The following GAS7 variants were observed in gnomAD, a reference collection of about 807,000 sequenced individuals.
GAS7 encodes growth arrest-specific protein 7.
In GAS7, 28 loss-of-function variants were observed where a neutral mutation model predicts 71.1. The ratio of observed to expected loss-of-function variants is 0.39; its 90% CI spans 0.29 to 0.54. The LOEUF is 0.54. Among genes scored for constraint, GAS7 ranks in the 20% least tolerant of loss-of-function variants. GAS7 has a pLI of 0.62. For missense variants in GAS7, 436 were observed against 627.8 expected (o/e 0.69, Z 3.27); for synonymous variants, 258 against 245.8 (o/e 1.05, Z -0.46).
chr17:9,998,318 C>A (rs1398670357), intron 2 of GAS7, among the ~76,000 whole-genome samples: 1 of 152,224 alleles, frequency 6.6e-6, no homozygotes, highest in African/African-American at 2.4e-5. Flanking sequence ...GCCCAAATCC[C>A]AGTTTGGATA....
intron 1 of GAS7, among the ~76,000 whole-genome samples, chr17:10,136,408 T>G (rs978836312): frequency 6.6e-6 from 1 of 152,166 alleles, no homozygotes; most frequent in Non-Finnish European, 1.5e-5. Flanking sequence ...TTCTCCCAAC[T>G]CCGCATCAAC....
intron 1 of GAS7, among the ~76,000 whole-genome samples, chr17:10,147,917 T>C (rs1347438306): frequency 6.6e-6 from 1 of 152,184 alleles, no homozygotes; most frequent in Non-Finnish European, 1.5e-5. Flanking sequence ...AGTCTGTCTT[T>C]TACCAACTGC....
At chr17:10,159,065 CATATATATATATAT>C (rs745794234) in intron 1 of GAS7, among the ~76,000 whole-genome samples, 1,211 of 60,002 alleles carry the variant, frequency 0.02, 122 homozygotes, top group Non-Finnish European at 0.026. Flanking sequence ...GTCTCTAAAA[CATATATATATATAT>C]ATATATATAT....
chr17:10,139,964 C>G (rs1043877718), intron 1 of GAS7, among the ~76,000 whole-genome samples: 1 of 152,206 alleles, frequency 6.6e-6, no homozygotes, highest in Non-Finnish European at 1.5e-5. Flanking sequence ...CCCACACTAT[C>G]AAAGTCAAAG....
intron 1 of GAS7, among the ~76,000 whole-genome samples, chr17:10,162,525 C>T (rs920474320): frequency 6.6e-6 from 1 of 152,062 alleles, no homozygotes; most frequent in Non-Finnish European, 1.5e-5. Context: ...AAGGGATTGC[C>T]GAAGTCCCAG....
intron 1 of GAS7, among the ~76,000 whole-genome samples, chr17:10,138,832 T>C (rs12162156): frequency 0.7 from 106,645 of 152,058 alleles, 37,591 homozygotes; most frequent in South Asian, 0.83. Context: ...GGTTTCCAGG[T>C]ACTCTGTCCT....
intron 3 of GAS7, among the ~76,000 whole-genome samples, chr17:9,976,414 C>T (rs2070205227): frequency 1.3e-5 from 2 of 152,218 alleles, no homozygotes; most frequent in South Asian, 2.1e-4. Flanking sequence ...GCTAATTTCG[C>T]AAGAAGCGAG....
At chr17:10,163,423 G>A (rs2074270994) in intron 1 of GAS7, among the ~76,000 whole-genome samples, 1 of 150,410 alleles carries the variant, frequency 6.6e-6, no homozygotes. Flanking sequence ...ACCAGGCTGG[G>A]CCAAAAAATT....
At position 10,146,310 on chromosome 17, in the gene GAS7, G is replaced by A. The variant is rs145723184; in HGVS notation, c.183+51898C>T. Among the ~76,000 whole-genome samples the A allele has an allele frequency of 9.2e-5, 14 of 152,174 alleles. 1 individual carries two copies. Among genetic ancestry groups the A allele is most frequent in the South Asian group, 4.1e-4 (2 of 4,824 alleles). On this transcript the variant is annotated intron_variant, in intron 1 of 13. Coordinates refer to ENST00000432992, the MANE Select transcript of GAS7 (RefSeq NM_201433.2). ...AGTCCATCAAACCCACCTTCTTCCC[G>A]GGGCAACCCTAGAAAAGATGTCTCA...
In GAS7 at chr17:10,103,882, T is replaced by A. The variant is rs73273866; in HGVS notation, c.184-83985A>T. Among the ~76,000 whole-genome samples, 1,034 of 149,344 alleles carry A rather than the reference T, an allele frequency of 6.9e-3. 10 individuals are homozygous for A. Among genetic ancestry groups the A allele is most frequent in the African/African-American group, 0.024 (982 of 40,672 alleles). ...AACCCATAGAACCCATAGTAGCTGC[T>A]CATCAACCCACAGCCCAAATTCATC... is the stretch of plus-strand genomic sequence containing the variant. On this transcript the variant is annotated intron_variant, in intron 1 of 13. Coordinates refer to ENST00000432992, the MANE Select transcript of GAS7 (RefSeq NM_201433.2). This position sits in a 1 kb window ranked among gnomAD's most constrained non-coding sequence, Gnocchi z 5.5.
At chr17:10,006,152 G>T (rs1343399105) in intron 2 of GAS7, among the ~76,000 whole-genome samples, 1 of 151,890 alleles carries the variant, frequency 6.6e-6, no homozygotes, top group Non-Finnish European at 1.5e-5. Context: ...CTCCATAGAA[G>T]AGAAAAATGA....
chr17:10,129,564 T>C (rs1007122098), intron 1 of GAS7, among the ~76,000 whole-genome samples: 2 of 152,096 alleles, frequency 1.3e-5, no homozygotes, highest in Admixed American at 1.3e-4. Context: ...TTCAAAAAAA[T>C]AGGTGTAAAT....
At chr17:9,983,572 A>G (rs1032451361) in intron 2 of GAS7, among the ~76,000 whole-genome samples, 2 of 152,006 alleles carry the variant, frequency 1.3e-5, no homozygotes, top group Admixed American at 6.6e-5. Context: ...GGATCACTTG[A>G]GGTCAGGGGT....
chr17:9,972,298 G>T (rs1046783977), intron 3 of GAS7, among the ~76,000 whole-genome samples: 1 of 152,188 alleles, frequency 6.6e-6, no homozygotes, highest in Admixed American at 6.5e-5. Flanking sequence ...TGCTGAGGGG[G>T]CCAAGGAGAA....
intron 1 of GAS7, among the ~76,000 whole-genome samples, chr17:10,180,065 G>T (rs1480212514): frequency 6.6e-6 from 1 of 152,158 alleles, no homozygotes; most frequent in Non-Finnish European, 1.5e-5. Context: ...TAATGGCTGG[G>T]CGTGGTGGCT....
chr17:10,142,048 G>A (rs930379275), intron 1 of GAS7, among the ~76,000 whole-genome samples: 14 of 151,944 alleles, frequency 9.2e-5, no homozygotes, highest in African/African-American at 3.4e-4. Context: ...CTAACATGGT[G>A]AAACCCCGTC....
chr17:9,914,237 A>AT lies in GAS7; in HGVS notation c.*2990dup, dbSNP rs1567758637. 4.9e-6 allele frequency: 1 copy of AT among 203,112 alleles called. No individual in the cohort carries two copies. Among genetic ancestry groups the AT allele is most frequent in the Non-Finnish European group, 1.0e-5 (1 of 98,916 alleles). The allele number at this position is 203,112 out of a possible 1,614,324, so 12.6% of individuals were successfully genotyped here. ...TCCTATTTGCAAAGAGTTATTTATA[A>AT]TTTTTTTGAGATGGAGTCTTGCTCT... On this transcript the variant is annotated 3_prime_UTR_variant, in exon 14 of 14. Transcript: ENST00000432992.
At chr17:10,143,561 T>C (rs868318710) in intron 1 of GAS7, among the ~76,000 whole-genome samples, 117 of 115,926 alleles carry the variant, frequency 1.0e-3, no homozygotes, top group African/African-American at 3.6e-3. Flanking sequence ...AAAAAAAAAA[T>C]TGGACATAAA....
intron 1 of GAS7, among the ~76,000 whole-genome samples, chr17:10,152,823 G>T (rs1183197826): frequency 6.6e-6 from 1 of 152,148 alleles, no homozygotes; most frequent in Non-Finnish European, 1.5e-5. Flanking sequence ...GACTTTGCAG[G>T]ATGCAGGGAG....
Sources: allele counts gnomAD v4.1 joint callset (sites outside exome capture counted in the v4.1 genomes callset), GRCh38; gene constraint gnomAD v4.1.1; non-coding constraint Gnocchi (gnomAD v3.1); transcripts MANE v1.5; gene names NCBI Gene and HGNC (gene_info 2026-07-23, HGNC 2026-07-21).